The following MACROD2 variants were observed in gnomAD, a reference collection of about 807,000 sequenced individuals.
MACROD2 encodes ADP-ribose glycohydrolase MACROD2.
A neutral mutation model predicts 70.4 loss-of-function variants in MACROD2; 36 were observed. The ratio of observed to expected loss-of-function variants is 0.51; its 90% CI spans 0.39 to 0.68. The LOEUF (loss-of-function observed/expected upper bound fraction) is 0.68. MACROD2 is among the 30% of genes least tolerant of loss of function. The pLI is 0.00. For missense variants in MACROD2, 496 were observed against 538.4 expected (o/e 0.92, Z 0.78); for synonymous variants, 172 against 178.8 (o/e 0.96, Z 0.30).
At chr20:14,736,671 A>C (rs2076841856) in intron 5 of MACROD2, among the ~76,000 whole-genome samples, 1 of 152,168 alleles carries the variant, frequency 6.6e-6, no homozygotes, top group Admixed American at 6.5e-5. Context: ...GGATTTGCCC[A>C]TTTAATCATC....
chr20:15,183,754 C>A (rs1402224827), intron 5 of MACROD2, among the ~76,000 whole-genome samples: 1 of 152,162 alleles, frequency 6.6e-6, no homozygotes, highest in Non-Finnish European at 1.5e-5. Flanking sequence ...GTGGTGTTCC[C>A]AATCACATCC....
rs1383637875 is a variant in MACROD2 at position 15,359,561 on chromosome 20, A to G, written c.541-71844A>G. 2.0e-5 allele frequency among the ~76,000 whole-genome samples: 3 copies of G among 151,648 alleles called. No individual in the cohort carries two copies. In the East Asian group the frequency reaches 5.8e-4, roughly 29 times the overall value. ...TTATAAGAAATTAATAAATTTTATT[A>G]ATTTCTTTCCTGCTCTCAAGACTTG... On this transcript the variant is annotated intron_variant, in intron 6 of 17. Coordinates refer to ENST00000684519, the MANE Select transcript of MACROD2 (RefSeq NM_001351661.2).
chr20:15,799,313 A>G (rs2063702806), intron 8 of MACROD2, among the ~76,000 whole-genome samples: 1 of 152,162 alleles, frequency 6.6e-6, no homozygotes, highest in African/African-American at 2.4e-5. Context: ...CAAATCTTCT[A>G]GCTATTTTTA....
At position 15,819,337 on chromosome 20, in the gene MACROD2, A is replaced by C. The variant is rs1046992284; in HGVS notation, c.646-43408A>C. ...TACTTATATATAAATATAAATATAT[A>C]AGTATATAATTATATAAATGTATAT... On this transcript the variant is annotated intron_variant, in intron 8 of 17. Coordinates refer to ENST00000684519, the MANE Select transcript of MACROD2 (RefSeq NM_001351661.2). Among the ~76,000 whole-genome samples, 28 of 140,192 alleles carry C rather than the reference A, an allele frequency of 2.0e-4. No individual in the cohort carries two copies. The South Asian group carries it at 5.1e-3, about 25-fold the overall frequency. The allele number at this position is 140,192 out of a possible 152,430, so 92.0% of individuals were successfully genotyped here.
intron 3 of MACROD2, among the ~76,000 whole-genome samples, chr20:14,423,326 C>G (rs2083895795): frequency 6.6e-6 from 1 of 150,660 alleles, no homozygotes; most frequent in Admixed American, 6.6e-5. Context: ...TTTCACAGCT[C>G]CATAAAAGTA....
chr20:16,022,226 A>T (rs1433224908), intron 15 of MACROD2, among the ~76,000 whole-genome samples: 1 of 151,854 alleles, frequency 6.6e-6, no homozygotes, highest in Non-Finnish European at 1.5e-5. Flanking sequence ...AAGTTTTTGT[A>T]GTTTTTAGTA....
At chr20:14,462,546 C>G (rs1445351099) in intron 3 of MACROD2, among the ~76,000 whole-genome samples, 1 of 151,772 alleles carries the variant, frequency 6.6e-6, no homozygotes, top group Admixed American at 6.6e-5. Flanking sequence ...TAATTAGATC[C>G]CATTTGTCAA....
intron 5 of MACROD2, among the ~76,000 whole-genome samples, chr20:15,021,217 TACAG>T (rs2075174277): frequency 2.3e-4 from 2 of 8,762 alleles, no homozygotes; most frequent in African/African-American, 1.4e-3. Context: ...TGTATACACA[TACAG>T]GTGTGCGTAT....
chr20:14,322,572 A>G (rs1183399487), intron 3 of MACROD2, among the ~76,000 whole-genome samples: 5 of 152,254 alleles, frequency 3.3e-5, no homozygotes, highest in Admixed American at 3.3e-4. Flanking sequence ...AATGTTAATC[A>G]CATTCATCTT....
At chr20:14,418,785 A>G (rs145439924) in intron 3 of MACROD2, among the ~76,000 whole-genome samples, 51 of 152,308 alleles carry the variant, frequency 3.3e-4, no homozygotes, top group African/African-American at 1.2e-3. Context: ...TCTCTGTTAT[A>G]ATAAAACACA....
intron 5 of MACROD2, among the ~76,000 whole-genome samples, chr20:14,825,642 G>C (rs775913106): frequency 6.6e-6 from 1 of 152,128 alleles, no homozygotes; most frequent in Non-Finnish European, 1.5e-5. Context: ...GGAGAAGTTA[G>C]TTACTTATCA....
intron 5 of MACROD2, among the ~76,000 whole-genome samples, chr20:14,699,124 T>C (rs956346525): frequency 1.3e-5 from 2 of 152,184 alleles, no homozygotes; most frequent in African/African-American, 4.8e-5. Flanking sequence ...CTGAGAGCCA[T>C]GTTCTGACCT....
intron 8 of MACROD2, among the ~76,000 whole-genome samples, chr20:15,821,964 C>T (rs2063942962): frequency 6.6e-6 from 1 of 152,142 alleles, no homozygotes; most frequent in Non-Finnish European, 1.5e-5. Flanking sequence ...AGGACTTGAA[C>T]TGTGCAACAG....
In MACROD2 at chr20:15,801,186, TA is replaced by T. The variant is rs1197681475; in HGVS notation, c.646-61541del. 9.1e-3 allele frequency among the ~76,000 whole-genome samples: 809 copies of T among 89,288 alleles called. 4 individuals carry two copies. The highest frequency in any genetic ancestry group is 0.019 in the African/African-American group (392 of 20,208). The allele number at this position is 89,288 out of a possible 152,430, so 58.6% of individuals were successfully genotyped here. On this transcript the variant is annotated intron_variant, in intron 8 of 17. Transcript: ENST00000684519. ...CGAGAAACACCCAAGAATGATCAAT[TA>T]AAAAAAAAAAAAAAAAACGAAAAAC...
At chr20:14,864,684 C>A (rs1359145719) in intron 5 of MACROD2, among the ~76,000 whole-genome samples, 1 of 151,968 alleles carries the variant, frequency 6.6e-6, no homozygotes, top group Admixed American at 6.6e-5. Flanking sequence ...TGAGAATATG[C>A]CAGCTGGAGG....
chr20:14,983,430 T>C (rs2074819668), intron 5 of MACROD2, among the ~76,000 whole-genome samples: 1 of 152,116 alleles, frequency 6.6e-6, no homozygotes, highest in African/African-American at 2.4e-5. Context: ...GGTTTGTCTC[T>C]GTGTCCCCAC....
chr20:14,488,656 C>T (rs2084761355), intron 3 of MACROD2, among the ~76,000 whole-genome samples: 1 of 152,132 alleles, frequency 6.6e-6, no homozygotes, highest in African/African-American at 2.4e-5. Flanking sequence ...TATTAAACAT[C>T]TAAGTTGACA....
At chr20:15,463,961 T>G (rs942326706) in intron 7 of MACROD2, among the ~76,000 whole-genome samples, 1 of 152,170 alleles carries the variant, frequency 6.6e-6, no homozygotes, top group Non-Finnish European at 1.5e-5. Flanking sequence ...GTCCCTTCTA[T>G]GATTTTAGCC....
chr20:15,590,699 A>G (rs1323980499), intron 8 of MACROD2, among the ~76,000 whole-genome samples: 3 of 152,094 alleles, frequency 2.0e-5, no homozygotes, highest in African/African-American at 7.2e-5. Context: ...CCTGGCCAAC[A>G]TGGTGAAAAC....
Sources: gnomAD v4.1 joint callset for allele counts (sites outside exome capture counted in the v4.1 genomes callset) on GRCh38, gnomAD v4.1.1 for gene constraint, MANE v1.5 for transcripts, NCBI Gene and HGNC (gene_info 2026-07-23, HGNC 2026-07-21) for gene names.